Variants in THSD7B observed in about 807,000 individuals in gnomAD.
THSD7B encodes thrombospondin type 1 domain containing 7B.
A neutral mutation model predicts 213.6 loss-of-function variants in THSD7B; 138 were observed. The ratio of observed to expected loss-of-function variants is 0.65; its 90% confidence interval spans 0.56 to 0.74. The LOEUF (loss-of-function observed/expected upper bound fraction) is 0.74. Ranked by LOEUF, THSD7B falls within the 30% of genes least tolerant of loss-of-function variation. The pLI, the probability that THSD7B is intolerant of heterozygous loss-of-function variation, is 0.00. For missense variants in THSD7B, 1,931 were observed against 1,991.5 expected (o/e 0.97, Z 0.58); for synonymous variants, 742 against 687.0 (o/e 1.08, Z -1.25).
intron 12 of THSD7B, among the ~76,000 whole-genome samples, chr2:137,386,260 C>A (rs1685890641): frequency 6.6e-6 from 1 of 152,158 alleles, no homozygotes; most frequent in South Asian, 2.1e-4. Flanking sequence ...TTGCAGCCCC[C>A]TGAGTGTAGT....
intron 7 of THSD7B, among the ~76,000 whole-genome samples, chr2:137,176,205 C>T (rs1680354496): frequency 1.3e-5 from 2 of 152,122 alleles, no homozygotes; most frequent in East Asian, 1.9e-4. Context: ...CTATAAAATT[C>T]GAGCCACCTG....
intron 10 of THSD7B, among the ~76,000 whole-genome samples, chr2:137,263,678 T>C (rs1682504004): frequency 6.6e-6 from 1 of 152,210 alleles, no homozygotes; most frequent in Non-Finnish European, 1.5e-5. Context: ...TTCATTTGTA[T>C]ATAGATAGAT....
chr2:137,602,176 T>C (rs1292967360), intron 17 of THSD7B, among the ~76,000 whole-genome samples: 1 of 152,228 alleles, frequency 6.6e-6, no homozygotes, highest in Non-Finnish European at 1.5e-5. Flanking sequence ...TTATGTGTTG[T>C]TCTGTTTTGT....
Position 137,130,687 on chromosome 2 carries a change from G to T in THSD7B, c.1369+15394G>T, listed in dbSNP as rs1275948824. On this transcript the variant is annotated intron_variant, in intron 5 of 27. Coordinates refer to ENST00000409968, the MANE Select transcript of THSD7B (RefSeq NM_001316349.2). ...AATGATGATTTCCAATTTCATCCAT[G>T]TCCCTACAAAGGACATGAAGTCATC... Among the ~76,000 whole-genome samples, 3 of 151,122 alleles carry T rather than the reference G, an allele frequency of 2.0e-5. No homozygotes were observed. The East Asian group carries it at 5.9e-4, about 30-fold the overall frequency.
intron 1 of THSD7B, among the ~76,000 whole-genome samples, chr2:136,797,046 C>T (rs1262614464): frequency 6.6e-6 from 1 of 150,660 alleles, no homozygotes; most frequent in Non-Finnish European, 1.5e-5. Flanking sequence ...TTGTTTTTGT[C>T]ATGAAAAGAA....
chr2:137,343,199 C>T (rs941393248), intron 12 of THSD7B, among the ~76,000 whole-genome samples: 1 of 149,700 alleles, frequency 6.7e-6, no homozygotes. Flanking sequence ...GACTTTTTTG[C>T]AAGGAATGGT....
chr2:136,896,026 T>C (rs1176414651), intron 2 of THSD7B, among the ~76,000 whole-genome samples: 1 of 152,350 alleles, frequency 6.6e-6, no homozygotes, highest in East Asian at 1.9e-4. Context: ...GTTTCTACTC[T>C]TTGGCTGCTA....
intron 12 of THSD7B, among the ~76,000 whole-genome samples, chr2:137,298,530 C>T (rs1273597311): frequency 6.6e-6 from 1 of 151,122 alleles, no homozygotes; most frequent in East Asian, 1.9e-4. Context: ...TGTCTCCAGG[C>T]CATGTCAGAG....
chr2:136,820,384 C>T (rs955539764), intron 1 of THSD7B, among the ~76,000 whole-genome samples: 4 of 152,192 alleles, frequency 2.6e-5, no homozygotes, highest in Non-Finnish European at 5.9e-5. Flanking sequence ...TGAAACAAAG[C>T]CATATCACCT....
At chr2:137,343,120 G>A (rs1684800008) in intron 12 of THSD7B, among the ~76,000 whole-genome samples, 1 of 149,284 alleles carries the variant, frequency 6.7e-6, no homozygotes, top group African/African-American at 2.5e-5. Context: ...TTTTTTTGCA[G>A]GTTTGTTTTA....
chr2:137,644,611 A>T (rs139645403), intron 21 of THSD7B, among the ~76,000 whole-genome samples: 13 of 152,350 alleles, frequency 8.5e-5, no homozygotes, highest in African/African-American at 2.9e-4. Context: ...AGGTAACACC[A>T]TATCTTCTTT....
At chr2:137,007,867 A>G (rs1339037466) in intron 2 of THSD7B, among the ~76,000 whole-genome samples, 4 of 152,272 alleles carry the variant, frequency 2.6e-5, no homozygotes, top group African/African-American at 9.6e-5. Context: ...TTCCAGGTCA[A>G]TTGATGTTGT....
At chr2:137,237,990 G>T (rs548717501) in intron 9 of THSD7B, among the ~76,000 whole-genome samples, 2 of 152,132 alleles carry the variant, frequency 1.3e-5, no homozygotes, top group Non-Finnish European at 1.5e-5. Context: ...GCCCTTGAGG[G>T]AATGATACTC....
intron 20 of THSD7B, among the ~76,000 whole-genome samples, chr2:137,636,205 A>G (rs1682830286): frequency 1.3e-5 from 2 of 152,128 alleles, no homozygotes; most frequent in Admixed American, 6.5e-5. Flanking sequence ...TTTCTCCATT[A>G]ACACACATGT....
intron 10 of THSD7B, among the ~76,000 whole-genome samples, chr2:137,247,336 G>A (rs1682062396): frequency 6.6e-6 from 1 of 152,098 alleles, no homozygotes; most frequent in South Asian, 2.1e-4. Flanking sequence ...ATGTCATGAT[G>A]GCTGCACAAA....
intron 12 of THSD7B, among the ~76,000 whole-genome samples, chr2:137,304,696 T>A (rs1530950): frequency 1 from 151,434 of 152,174 alleles, 75,355 homozygotes; most frequent in Non-Finnish European, 1. Context: ...GCTTCATATC[T>A]GATAATGCCT....
intron 2 of THSD7B, among the ~76,000 whole-genome samples, chr2:136,890,694 C>T (rs1245324043): frequency 3.3e-5 from 5 of 150,630 alleles, no homozygotes; most frequent in African/African-American, 1.2e-4. Context: ...CATCCACCAA[C>T]ATGCCAGGCT....
chr2:137,158,215 G>T, intron 5 of THSD7B, among the ~76,000 whole-genome samples: 1 of 152,170 alleles, frequency 6.6e-6, no homozygotes, highest in East Asian at 1.9e-4. Context: ...CCTCAACCCT[G>T]GGGATGAATC....
At chr2:136,968,976 A>G (rs1016047073) in intron 2 of THSD7B, among the ~76,000 whole-genome samples, 30 of 152,170 alleles carry the variant, frequency 2.0e-4, no homozygotes, top group African/African-American at 7.2e-4. Context: ...TCAGTTGCCC[A>G]GAGAAAACAT....
Sources: allele counts gnomAD v4.1 joint callset (sites outside exome capture counted in the v4.1 genomes callset), GRCh38; gene constraint gnomAD v4.1.1; transcripts MANE v1.5; gene names NCBI Gene and HGNC (gene_info 2026-07-23, HGNC 2026-07-21).